AGBL4: variants seen among roughly 807,000 people sequenced by gnomAD.
AGBL4 encodes the protein AGBL carboxypeptidase 4.
A neutral mutation model predicts 66.4 loss-of-function variants in AGBL4; 58 were observed. That is an observed-to-expected ratio of 0.87 (90% CI 0.71 to 1.09). AGBL4 has a LOEUF of 1.09. Ranked by LOEUF, AGBL4 falls within the 50% of genes least tolerant of loss-of-function variation. The pLI is 0.00. For synonymous variants in AGBL4, 234 were observed against 222.9 expected (o/e 1.05, Z -0.44); for missense variants, 579 against 631.0 (o/e 0.92, Z 0.88).
chr1:49,656,479 A>G (rs578065009), intron 3 of AGBL4, among the ~76,000 whole-genome samples: 18 of 152,326 alleles, frequency 1.2e-4, no homozygotes, highest in African/African-American at 4.3e-4. Flanking sequence ...CAATAGAAAA[A>G]GAGGGAATAC....
At chr1:49,763,705 T>C (rs944974630) in intron 2 of AGBL4, among the ~76,000 whole-genome samples, 8 of 152,200 alleles carry the variant, frequency 5.3e-5, no homozygotes, top group Admixed American at 3.9e-4. Flanking sequence ...ATAACCTCCC[T>C]GACTCCCCCA....
chr1:49,060,658 A>T (rs1281933973), intron 4 of AGBL4, among the ~76,000 whole-genome samples: 1 of 152,178 alleles, frequency 6.6e-6, no homozygotes, highest in Non-Finnish European at 1.5e-5. Flanking sequence ...CCACCTGCAC[A>T]CACTGAGTGG....
At chr1:48,834,042 T>C (rs1315300828) in intron 6 of AGBL4, among the ~76,000 whole-genome samples, 2 of 152,292 alleles carry the variant, frequency 1.3e-5, no homozygotes, top group Middle Eastern at 3.4e-3. Context: ...TAATATCTAA[T>C]GGAGTTCTCC....
intron 3 of AGBL4, among the ~76,000 whole-genome samples, chr1:49,631,171 C>G (rs1645563152): frequency 6.6e-6 from 1 of 152,178 alleles, no homozygotes; most frequent in African/African-American, 2.4e-5. Context: ...ATTTAGGATA[C>G]TGGGTTTTCT....
At chr1:48,883,400 C>T (rs115780678) in intron 5 of AGBL4, among the ~76,000 whole-genome samples, 54 of 152,284 alleles carry the variant, frequency 3.5e-4, no homozygotes, top group African/African-American at 1.3e-3. Context: ...TGCCTAGCTA[C>T]CTCCCACTCC....
chr1:48,818,114 C>T, intron 6 of AGBL4: 1 of 713,176 alleles, frequency 1.4e-6, no homozygotes, highest in East Asian at 2.7e-5. Context: ...CTCCATCTTC[C>T]AGCCGGAAAC....
At chr1:49,856,115 G>C (rs904943973) in intron 1 of AGBL4, among the ~76,000 whole-genome samples, 6 of 151,948 alleles carry the variant, frequency 3.9e-5, no homozygotes, top group African/African-American at 1.4e-4. Flanking sequence ...GAACAACCAT[G>C]TGCTATCAAA....
At chr1:49,472,240 G>A (rs771340052) in intron 3 of AGBL4, among the ~76,000 whole-genome samples, 1 of 151,976 alleles carries the variant, frequency 6.6e-6, no homozygotes, top group African/African-American at 2.4e-5. Flanking sequence ...GTCTGATGTG[G>A]AGTCTCATAA....
chr1:49,978,260 G>GTGGT (rs1265578165), intron 1 of AGBL4, among the ~76,000 whole-genome samples: 2 of 152,026 alleles, frequency 1.3e-5, no homozygotes, highest in Non-Finnish European at 2.9e-5. Flanking sequence ...ACCACCCTGG[G>GTGGT]CAACATAGCA....
chr1:49,004,397 C>A (rs1188536968), intron 5 of AGBL4, among the ~76,000 whole-genome samples: 1 of 152,148 alleles, frequency 6.6e-6, no homozygotes, highest in African/African-American at 2.4e-5. Context: ...AGGGAGAGCA[C>A]CAGCCTGAAT....
chr1:48,914,601 T>A (rs148073910), intron 5 of AGBL4, among the ~76,000 whole-genome samples: 99 of 152,352 alleles, frequency 6.5e-4, no homozygotes, highest in African/African-American at 2.3e-3. Context: ...AACACAGGCA[T>A]GTAGTTAATA....
chr1:48,535,665 A>G (rs12744388), intron 12 of AGBL4, among the ~76,000 whole-genome samples: 7,461 of 152,270 alleles, frequency 0.049, 196 homozygotes, highest in Middle Eastern at 0.065. Flanking sequence ...TCCCCAATAC[A>G]GAATACCCTT....
At chr1:49,534,606 A>T (rs1385164784) in intron 3 of AGBL4, among the ~76,000 whole-genome samples, 2 of 152,204 alleles carry the variant, frequency 1.3e-5, no homozygotes, top group Non-Finnish European at 2.9e-5. Flanking sequence ...AGCACTCAAT[A>T]AAAAAGAATG....
At chr1:49,805,261 A>G (rs1334799756) in intron 2 of AGBL4, among the ~76,000 whole-genome samples, 6 of 152,210 alleles carry the variant, frequency 3.9e-5, no homozygotes, top group Non-Finnish European at 8.8e-5. Flanking sequence ...CAGAACTATA[A>G]GAACAGAAGA....
At chr1:49,002,450 T>C (rs867272144) in intron 5 of AGBL4, among the ~76,000 whole-genome samples, 2 of 152,158 alleles carry the variant, frequency 1.3e-5, no homozygotes, top group Admixed American at 6.6e-5. Context: ...ATATAATTGA[T>C]CCCTTAACCT....
rs188436626 is a variant in AGBL4 at position 49,401,737 on chromosome 1, C to T, written c.283-155873G>A. 7.9e-5 allele frequency among the ~76,000 whole-genome samples: 12 copies of T among 152,162 alleles called. No homozygotes were observed. In the East Asian group the frequency reaches 2.3e-3, roughly 29 times the overall value. ...TTATTCCCTCCTCTATTTTTCAGAA[C>T]AGATTGAGTAGGATTGGTATTGGTT... On this transcript the variant is annotated intron_variant, in intron 3 of 13. Coordinates refer to ENST00000371839, the MANE Select transcript of AGBL4 (RefSeq NM_032785.4).
intron 6 of AGBL4, among the ~76,000 whole-genome samples, chr1:48,821,598 C>T (rs768215917): frequency 9.2e-5 from 14 of 151,960 alleles, no homozygotes; most frequent in South Asian, 4.1e-4. Context: ...CCAAAAGCTG[C>T]GAGAGTGGGA....
intron 6 of AGBL4, among the ~76,000 whole-genome samples, chr1:48,668,663 AG>A (rs1167060893): frequency 4.6e-5 from 7 of 152,174 alleles, no homozygotes; most frequent in African/African-American, 1.7e-4. Context: ...TCCTCTAAGA[AG>A]GAAAGGAGGA....
intron 3 of AGBL4, among the ~76,000 whole-genome samples, chr1:49,621,100 T>G (rs1645352137): frequency 6.6e-6 from 1 of 152,164 alleles, no homozygotes; most frequent in African/African-American, 2.4e-5. Context: ...AATGACAAAA[T>G]TTTTTCACTT....
Sources: gnomAD v4.1 joint callset for allele counts (sites outside exome capture counted in the v4.1 genomes callset) on GRCh38, gnomAD v4.1.1 for gene constraint, MANE v1.5 for transcripts, NCBI Gene and HGNC (gene_info 2026-07-23, HGNC 2026-07-21) for gene names.